TMEM178B: variants seen among roughly 807,000 people sequenced by gnomAD.
TMEM178B encodes transmembrane protein 178B.
Under a neutral mutation model 31.0 loss-of-function variants are expected in TMEM178B, and 5 were observed. The ratio of observed to expected loss-of-function variants is 0.16; its 90% CI spans 0.08 to 0.34. TMEM178B has a LOEUF of 0.34. Among genes scored for constraint, TMEM178B ranks in the 10% least tolerant of loss-of-function variants. The pLI is 1.00. For synonymous variants in TMEM178B, 164 were observed against 164.0 expected (o/e 1.00, Z 0.00); for missense variants, 275 against 400.3 (o/e 0.69, Z 2.67).
chr7:141,159,506 C>G (rs1280083230), intron 1 of TMEM178B, among the ~76,000 whole-genome samples: 1 of 152,210 alleles, frequency 6.6e-6, no homozygotes, highest in East Asian at 1.9e-4. Flanking sequence ...CACCCATGTT[C>G]ATAAATGCAT....
rs7795226 is a variant in TMEM178B, at chr7:141,249,984, C to T, written c.496+37280C>T. ...AAATTTAAACTTACAAGACCAACAT[C>T]GTAGAGATGAATTCTTTTTAAAGAA... is the stretch of plus-strand genomic sequence containing the variant. On this transcript the variant is annotated intron_variant, in intron 2 of 3. Transcript: ENST00000565468. Among the ~76,000 whole-genome samples the T allele has an allele frequency of 3.3e-3, 504 of 152,190 alleles. 6 individuals carry two copies. The highest frequency in any genetic ancestry group is 0.012 in the African/African-American group (481 of 41,540).
At chr7:141,483,980 C>G (rs1281016691), downstream of TMEM178B, among the ~76,000 whole-genome samples, 1 of 152,098 alleles carries the variant, frequency 6.6e-6, no homozygotes, top group South Asian at 2.1e-4. Flanking sequence ...AGGTGATCCA[C>G]ACGTCTCGGC....
At chr7:141,444,604 A>C (rs1456400259) in intron 3 of TMEM178B, among the ~76,000 whole-genome samples, 1 of 152,180 alleles carries the variant, frequency 6.6e-6, no homozygotes, top group African/African-American at 2.4e-5. Context: ...TTCTGTCTTG[A>C]ACTTGGACTC....
At chr7:141,280,036 C>T (rs1269531963) in intron 2 of TMEM178B, among the ~76,000 whole-genome samples, 5 of 152,222 alleles carry the variant, frequency 3.3e-5, no homozygotes, top group African/African-American at 1.2e-4. Context: ...GTAAGTGGGG[C>T]CCCCATGGGC....
intron 3 of TMEM178B, among the ~76,000 whole-genome samples, chr7:141,447,946 T>C (rs1377916933): frequency 6.6e-6 from 1 of 151,942 alleles, no homozygotes; most frequent in Non-Finnish European, 1.5e-5. Flanking sequence ...GCCTCTAGCA[T>C]TGTCCCACGC....
chr7:141,461,497 CA>C lies in TMEM178B; in HGVS notation c.635-9037del, dbSNP rs1218011023. ...ATATTTGGGCAAATGCCTGTGCACA[CA>C]ATGTGTAACTGCCCTGAATCTCTGT... is the stretch of plus-strand genomic sequence containing the variant. On this transcript the variant is annotated intron_variant, in intron 3 of 3. Transcript: ENST00000565468. This position sits in a 1 kb window ranked among gnomAD's most constrained non-coding sequence, Gnocchi z 4.0. Among the ~76,000 whole-genome samples the C allele has an allele frequency of 2.0e-5, 3 of 152,242 alleles. No individual in the cohort carries two copies. Among genetic ancestry groups the C allele is most frequent in the Non-Finnish European group, 2.9e-5 (2 of 68,052 alleles).
At chr7:141,295,873 C>G (rs1164715478) in intron 2 of TMEM178B, among the ~76,000 whole-genome samples, 1 of 152,116 alleles carries the variant, frequency 6.6e-6, no homozygotes, top group African/African-American at 2.4e-5. Context: ...CTGAAGACGG[C>G]CCAGCCACAG....
At chr7:141,267,591 G>A (rs1265920999) in intron 2 of TMEM178B, among the ~76,000 whole-genome samples, 2 of 152,224 alleles carry the variant, frequency 1.3e-5, no homozygotes, top group Non-Finnish European at 1.5e-5. Flanking sequence ...CTGACATCAA[G>A]CATCAGGCTG....
rs536545464 is a variant in TMEM178B at position 141,205,766 on chromosome 7, T to C, written c.383-6825T>C. Among the ~76,000 whole-genome samples the C allele has an allele frequency of 3.9e-5, 6 of 152,328 alleles. No individual in the cohort carries two copies. The East Asian group carries it at 9.6e-4, about 24-fold the overall frequency. ...CTTAATATATATTACCCTTGAGTGA[T>C]AGACTTCTTTGACAAGCACTTAGGA... On this transcript the variant is annotated intron_variant, in intron 1 of 3. Transcript: ENST00000565468.
chr7:141,324,843 C>G (rs1799162096), intron 2 of TMEM178B, among the ~76,000 whole-genome samples: 1 of 151,922 alleles, frequency 6.6e-6, no homozygotes, highest in African/African-American at 2.4e-5. Flanking sequence ...TAACTATGTC[C>G]CTTTGCATAA....
intron 2 of TMEM178B, among the ~76,000 whole-genome samples, chr7:141,271,076 C>T (rs1049692764): frequency 2.0e-5 from 3 of 152,178 alleles, no homozygotes; most frequent in Middle Eastern, 3.2e-3. Flanking sequence ...AAGGGACAAT[C>T]GATTGTCTCC....
intron 2 of TMEM178B, among the ~76,000 whole-genome samples, chr7:141,380,009 C>A (rs1172872416): frequency 6.6e-6 from 1 of 152,212 alleles, no homozygotes; most frequent in Non-Finnish European, 1.5e-5. Context: ...TCCATCTTTT[C>A]TTACTACTCT....
chr7:141,368,260 A>G (rs1800047398), intron 2 of TMEM178B, among the ~76,000 whole-genome samples: 1 of 152,194 alleles, frequency 6.6e-6, no homozygotes, highest in Non-Finnish European at 1.5e-5. Flanking sequence ...TGGAGGTTGC[A>G]GTGAGCCAAG....
intron 2 of TMEM178B, among the ~76,000 whole-genome samples, chr7:141,435,214 C>T (rs1052066300): frequency 5.9e-5 from 9 of 152,246 alleles, no homozygotes; most frequent in Non-Finnish European, 1.0e-4. Context: ...AGGCCCCTGT[C>T]TCTCACCAAG....
At chr7:141,256,811 G>A (rs1797936243) in intron 2 of TMEM178B, among the ~76,000 whole-genome samples, 1 of 152,160 alleles carries the variant, frequency 6.6e-6, no homozygotes, top group Admixed American at 6.5e-5. Context: ...GGGATACATT[G>A]TCAAGATGTT....
intron 2 of TMEM178B, among the ~76,000 whole-genome samples, chr7:141,309,816 G>T (rs1384432725): frequency 5.3e-5 from 8 of 152,120 alleles, no homozygotes; most frequent in Non-Finnish European, 5.9e-5. Context: ...GAGAAATAGG[G>T]TTCTTCAGTT....
intron 2 of TMEM178B, among the ~76,000 whole-genome samples, chr7:141,294,647 G>A (rs1798601074): frequency 1.3e-5 from 2 of 152,182 alleles, no homozygotes; most frequent in African/African-American, 4.8e-5. Context: ...AGTCCTCTAA[G>A]ATCCCAGTCT....
chr7:141,173,468 C>T (rs1362960408), intron 1 of TMEM178B, among the ~76,000 whole-genome samples: 5 of 152,098 alleles, frequency 3.3e-5, no homozygotes, highest in African/African-American at 7.2e-5. Context: ...TTCACTGAGG[C>T]GGGAGTATTT....
At chr7:141,297,708 A>C (rs1390450166) in intron 2 of TMEM178B, among the ~76,000 whole-genome samples, 1 of 152,194 alleles carries the variant, frequency 6.6e-6, no homozygotes, top group African/African-American at 2.4e-5. Flanking sequence ...ATGGCTGCAT[A>C]GTATTCCATG....
Sources: allele counts gnomAD v4.1 joint callset (sites outside exome capture counted in the v4.1 genomes callset), GRCh38; gene constraint gnomAD v4.1.1; non-coding constraint Gnocchi (gnomAD v3.1); transcripts MANE v1.5; gene names NCBI Gene and HGNC (gene_info 2026-07-23, HGNC 2026-07-21).